Variants in FN3K observed in about 807,000 individuals in gnomAD.
FN3K encodes fructosamine-3-kinase.
FN3K carries 24 observed loss-of-function variants against 24.8 expected under a neutral mutation model. The ratio of observed to expected loss-of-function variants is 0.97; its 90% CI spans 0.70 to 1.36. The LOEUF (loss-of-function observed/expected upper bound fraction) is 1.36, where lower values mean the gene tolerates loss of function less well. Among genes scored for constraint, FN3K ranks in the 40% most tolerant of loss-of-function variants. FN3K has a pLI of 0.00. For synonymous variants in FN3K, 192 were observed against 175.2 expected, an observed-to-expected ratio of 1.10 and a Z score of -0.76; for missense variants, 449 against 416.7, an observed-to-expected ratio of 1.08 and a Z score of -0.67.
At chr17:82,749,041 C>T (rs760630656) in intron 5 of FN3K, 64 bp downstream of exon 5, 96 of 1,608,338 alleles carry the variant, frequency 6.0e-5, no homozygotes, top group Non-Finnish European at 7.2e-5. Context: ...CGCATTTGTG[C>T]GGGTTCATCT....
chr17:82,750,835 C>A lies in FN3K; in HGVS notation c.*80C>A. On this transcript the variant is annotated 3_prime_UTR_variant, in exon 6 of 6. Transcript: ENST00000300784. Reference sequence around the variant, plus strand: ...TGTCCCCCCGTCCCCCGTCCCTGTGCCCCCGTCCCTGTCCCCCTGTTCCCG... The same window carrying A: ...TGTCCCCCCGTCCCCCGTCCCTGTGACCCCGTCCCTGTCCCCCTGTTCCCG... 9.0e-7 allele frequency: 1 copy of A among 1,107,300 alleles called. No individual in the cohort carries two copies. Among genetic ancestry groups the A allele is most frequent in the Non-Finnish European group, 1.3e-6 (1 of 798,260 alleles). The allele number at this position is 1,107,300 out of a possible 1,614,324, so 68.6% of individuals were successfully genotyped here.
chr17:82,746,693 C>T (rs2046970544), intron 4 of FN3K, among the ~76,000 whole-genome samples: 8 of 152,028 alleles, frequency 5.3e-5, no homozygotes, highest in Admixed American at 5.2e-4. Context: ...ATTCCAGCTA[C>T]TCGAAAGGCT....
Position 82,738,500 on chromosome 17 carries a change from G to A in FN3K, c.153G>A (p.Met51Ile). 6.2e-7 allele frequency: 1 copy of A among 1,612,410 alleles called. No individual in the cohort carries two copies. The highest frequency in any genetic ancestry group is 1.7e-5 in the Admixed American group (1 of 60,014). ...KVNRRTQARQMFEGEVASLEA... is the reference protein window; with the variant it reads ...KVNRRTQARQIFEGEVASLEA... The stretch of plus-strand genomic sequence containing the variant: ...TGTTCTGGATGCAGGCCCGGCAGAT[G>A]TTTGAGGGGGAGGTGGCCAGCCTGG... Residue 51 changes from methionine to isoleucine, a missense_variant, in exon 2 of 6, where the codon ATG (methionine) becomes ATA (isoleucine). By Grantham distance (10) the Met-to-Ile change is conservative. Transcript: ENST00000300784.
rs1184408349 is a variant in FN3K, at chr17:82,749,445, C to G, written c.591+468C>G. 1.0e-5 allele frequency: 3 copies of G among 291,196 alleles called. No individual in the cohort carries two copies. The East Asian group carries it at 2.7e-4, about 26-fold the overall frequency. The allele number at this position is 291,196 out of a possible 1,614,324, so 18.0% of individuals were successfully genotyped here. On this transcript the variant is annotated intron_variant, in intron 5 of 5. Coordinates refer to ENST00000300784, the MANE Select transcript of FN3K (RefSeq NM_022158.4). ...TTGGGAGGCCTAGGTGGGCAGATCACTTGAGGTCAGGAGTTTGAGACCAGC... is the reference window on the plus strand; with the variant it reads ...TTGGGAGGCCTAGGTGGGCAGATCAGTTGAGGTCAGGAGTTTGAGACCAGC...
In FN3K at chr17:82,735,760, G is replaced by A; in HGVS notation, c.124G>A (p.Val42Ile). The change falls in exon 1 of 6, where the codon GTC becomes ATC. Residue 42 changes from valine to isoleucine, a missense_variant. Transcript: ENST00000300784. ...DTDAGPVFVK[V>I]NRRTQARQMF... is the part of the protein sequence containing the mutation. ...GGACGCAGGCCCAGTGTTCGTCAAA[G>A]TCAACCGCAGGACGCAGGTGCTGGC... 1 of 1,564,266 alleles carries A rather than the reference G, an allele frequency of 6.4e-7. No individual in the cohort carries two copies. The highest frequency in any genetic ancestry group is 8.6e-7 in the Non-Finnish European group (1 of 1,156,408).
chr17:82,747,753 C>A (rs1232509405), intron 4 of FN3K, among the ~76,000 whole-genome samples: 1 of 152,172 alleles, frequency 6.6e-6, no homozygotes, highest in Admixed American at 6.6e-5. Flanking sequence ...AAATTCTTCT[C>A]AATTTATTGA....
At chr17:82,736,129 A>G (rs2046899285) in intron 1 of FN3K, 1 of 267,140 alleles carries the variant, frequency 3.7e-6, no homozygotes, top group Admixed American at 5.4e-5. Context: ...AAGCAGAGAC[A>G]TGGCTGGGCC....
rs1052767245 is a variant in FN3K at position 82,738,928 on chromosome 17, A to G, written c.293+288A>G. Among the ~76,000 whole-genome samples, 38 of 21,488 alleles carry G rather than the reference A, an allele frequency of 1.8e-3. 1 individual carries two copies. The highest frequency in any genetic ancestry group is 5.5e-3 in the African/African-American group (33 of 5,996). The allele number at this position is 21,488 out of a possible 152,430, so 14.1% of individuals were successfully genotyped here. A position where few individuals can be genotyped will look rare whatever the true frequency, so the allele number is the denominator to read the frequency against. ...GCATAAAATATATATATATACACAT[A>G]TATATATATATATATATATTTTTTT... is the stretch of plus-strand genomic sequence containing the variant. On this transcript the variant is annotated intron_variant, in intron 2 of 5. Coordinates refer to ENST00000300784, the MANE Select transcript of FN3K (RefSeq NM_022158.4).
At position 82,735,647 on chromosome 17, in the gene FN3K, T is replaced by G; in HGVS notation, c.11T>G (p.Leu4Arg). The change falls in exon 1 of 6, where the codon CTG becomes CGG. Residue 4 changes from leucine to arginine, a missense_variant. Transcript: ENST00000300784. Reference protein sequence around the residue: MEQLLRAELRTATL... With the variant: MEQRLRAELRTATL... ...CGCGCCCCGCACTCCATGGAGCAGC[T>G]GCTGCGCGCCGAGCTGCGCACCGCG... 1.3e-6 allele frequency: 2 copies of G among 1,538,374 alleles called. No individual in the cohort carries two copies. The highest frequency in any genetic ancestry group is 1.7e-6 in the Non-Finnish European group (2 of 1,149,818).
At position 82,750,902 on chromosome 17, in the gene FN3K, T is replaced by G. The variant is rs1362653103; in HGVS notation, c.*147T>G. On this transcript the variant is annotated 3_prime_UTR_variant, in exon 6 of 6. Transcript: ENST00000300784. ...TCTCCATCCCCCCGTCCCCCCATCC[T>G]CCTGTCCCCGTCCCCCCGTCCCCGT... 4 of 331,144 alleles carry G rather than the reference T, an allele frequency of 1.2e-5. No homozygotes were observed. Among genetic ancestry groups the G allele is most frequent in the Non-Finnish European group, 1.6e-5 (3 of 188,960 alleles). 20.5% of individuals were successfully genotyped at this position (331,144 alleles called of 1,614,324 possible). A position where few individuals can be genotyped will look rare whatever the true frequency, so the allele number is the denominator to read the frequency against.
At chr17:82,739,061 C>T (rs1406933065) in intron 2 of FN3K, among the ~76,000 whole-genome samples, 2 of 150,614 alleles carry the variant, frequency 1.3e-5, no homozygotes, top group Non-Finnish European at 2.9e-5. Flanking sequence ...GATTCTCCCA[C>T]CTCAGCCTCC....
intron 4 of FN3K, 74 bp downstream of exon 4, chr17:82,741,467 A>T: frequency 7.5e-7 from 1 of 1,328,808 alleles, no homozygotes; most frequent in Non-Finnish European, 1.1e-6. Context: ...ACAGAATGCT[A>T]ATCTCCCAAG....
Position 82,748,954 on chromosome 17 carries a change from C to G in FN3K, c.568C>G (p.Arg190Gly), listed in dbSNP as rs1254399905. ...IEKDYADREA[R>G]ELWSRLQVKI... The stretch of plus-strand genomic sequence containing the variant: ...GAAGGACTATGCTGACCGAGAGGCA[C>G]GAGAACTCTGGTCCCGGCTACAGGT... The change falls in exon 5 of 6, where the codon CGA (arginine) becomes GGA (glycine). Residue 190 changes from arginine (R) to glycine (G), a missense_variant. Transcript: ENST00000300784. 6 of 1,614,064 alleles carry G rather than the reference C, an allele frequency of 3.7e-6. No individual in the cohort carries two copies. Among genetic ancestry groups the G allele is most frequent in the Middle Eastern group, 1.6e-4 (1 of 6,082 alleles).
chr17:82,739,086 T>C (rs916879752), intron 2 of FN3K, among the ~76,000 whole-genome samples: 2 of 151,270 alleles, frequency 1.3e-5, no homozygotes, highest in East Asian at 3.9e-4. Context: ...TAGCTGGGAC[T>C]ACAGGTGTCC....
intron 2 of FN3K, among the ~76,000 whole-genome samples, chr17:82,739,639 A>G (rs1223894313): frequency 2.6e-5 from 4 of 151,816 alleles, no homozygotes; most frequent in Admixed American, 6.6e-5. Flanking sequence ...TTGTATTTTT[A>G]GTAGAGACGG....
chr17:82,745,013 C>T (rs1239808394), intron 4 of FN3K: 2 of 152,166 alleles, frequency 1.3e-5, no homozygotes, highest in Admixed American at 1.3e-4. Context: ...AGATGCCTTC[C>T]TCTTGTCTCA....
Position 82,750,876 on chromosome 17 carries a change from GTCTCC to G in FN3K, c.*122_*126del, listed in dbSNP as rs2047023038. 1 of 540,670 alleles carries G rather than the reference GTCTCC, an allele frequency of 1.8e-6. No homozygotes were observed. The highest frequency in any genetic ancestry group is 3.0e-6 in the Non-Finnish European group (1 of 335,602). 33.5% of individuals were successfully genotyped at this position (540,670 alleles called of 1,614,324 possible). On this transcript the variant is annotated 3_prime_UTR_variant, in exon 6 of 6. Transcript: ENST00000300784. ...CCTGTTCCCGTCTCCCCGTCCCTCCGTCTCCATCCCCCCGTCCCCCCATCCTCCTG... is the reference window on the plus strand; with the variant it reads ...CCTGTTCCCGTCTCCCCGTCCCTCCGATCCCCCCGTCCCCCCATCCTCCTG...
intron 4 of FN3K, among the ~76,000 whole-genome samples, chr17:82,744,858 T>G (rs904589284): frequency 6.6e-6 from 1 of 152,248 alleles, no homozygotes; most frequent in African/African-American, 2.4e-5. Flanking sequence ...TGCATACACA[T>G]AAACATCTCA....
At chr17:82,737,446 C>T (rs1432416635) in intron 1 of FN3K, among the ~76,000 whole-genome samples, 2 of 152,056 alleles carry the variant, frequency 1.3e-5, no homozygotes, top group Non-Finnish European at 2.9e-5. Context: ...CCTCAGCCTC[C>T]CGAGTAGCTG....
Sources: gnomAD v4.1 joint callset for allele counts (sites outside exome capture counted in the v4.1 genomes callset) on GRCh38, gnomAD v4.1.1 for gene constraint, MANE v1.5 for transcripts, NCBI Gene and HGNC (gene_info 2026-07-23, HGNC 2026-07-21) for gene names.